The following PCDHGB6 variants were observed in gnomAD, a reference collection of about 807,000 sequenced individuals.
The protein encoded by PCDHGB6 is protocadherin gamma-B6.
Under a neutral mutation model 59.1 loss-of-function variants are expected in PCDHGB6, and 51 were observed. The ratio of observed to expected loss-of-function variants is 0.86; its 90% CI spans 0.69 to 1.09. The LOEUF is 1.09. Ranked by LOEUF, PCDHGB6 falls within the 50% of genes least tolerant of loss-of-function variation. The probability of loss-of-function intolerance (pLI) is 0.00; values close to 1 mark genes in which losing one functional copy is unlikely to be tolerated. For synonymous variants in PCDHGB6, 466 were observed against 495.1 expected, an observed-to-expected ratio of 0.94 and a Z score of 0.78; for missense variants, 1,148 against 1,205.1, an observed-to-expected ratio of 0.95 and a Z score of 0.70.
Position 141,487,070 on chromosome 5 carries a change from C to A in PCDHGB6, c.2419-7737C>A, listed in dbSNP as rs1365482479. The A allele has an allele frequency of 6.2e-7, 1 of 1,614,036 alleles. No individual in the cohort carries two copies. The highest frequency in any genetic ancestry group is 8.5e-7 in the Non-Finnish European group (1 of 1,180,016). ...TGCTGGGGAGGTGCGGACGGCTGTT[C>A]CTATCCCAGCTGACCTCCCACCACA... is the stretch of plus-strand genomic sequence containing the variant. On this transcript the variant is annotated intron_variant, in intron 1 of 3. Coordinates refer to ENST00000520790, the MANE Select transcript of PCDHGB6 (RefSeq NM_018926.3). The surrounding 1 kb of genome is among the most constrained non-coding windows in gnomAD (Gnocchi z 5.0).
chr5:141,474,608 T>C (rs1469173973), intron 1 of PCDHGB6, among the ~76,000 whole-genome samples: 1 of 152,268 alleles, frequency 6.6e-6, no homozygotes, highest in Non-Finnish European at 1.5e-5. Flanking sequence ...AGGTCACATA[T>C]GGCTTTTCAT....
At position 141,512,045 on chromosome 5, in the gene PCDHGB6, C is replaced by T. The variant is rs568357347; in HGVS notation, c.*872C>T. On this transcript the variant is annotated 3_prime_UTR_variant, in exon 4 of 4. Transcript: ENST00000520790. ...GGCCTTGGAGGAGGCTCTGTATGTC[C>T]TCAGGGGACTGACAACATCCTCCAG... The T allele has an allele frequency of 1.5e-3, 224 of 152,846 alleles. 2 individuals are homozygous for T. The highest frequency in any genetic ancestry group is 4.6e-4 in the Non-Finnish European group (31 of 68,130). The allele number at this position is 152,846 out of a possible 1,614,324, so 9.5% of individuals were successfully genotyped here. A position where few individuals can be genotyped will look rare whatever the true frequency, so the allele number is the denominator to read the frequency against.
chr5:141,421,665 C>T, intron 1 of PCDHGB6: 1 of 1,613,854 alleles, frequency 6.2e-7, no homozygotes, highest in African/African-American at 1.3e-5. Context: ...TCAGTGAGCA[C>T]GCAATTCCTG....
At chr5:141,464,413 A>G (rs2099083422) in intron 1 of PCDHGB6, among the ~76,000 whole-genome samples, 1 of 151,632 alleles carries the variant, frequency 6.6e-6, no homozygotes, top group African/African-American at 2.4e-5. Context: ...ATATATATAT[A>G]TCTATATATA....
intron 1 of PCDHGB6, chr5:141,423,965 T>C (rs911812056): frequency 8.1e-5 from 94 of 1,162,030 alleles, no homozygotes; most frequent in Admixed American, 1.3e-4. Context: ...TATTTTTCTA[T>C]TATCAGTGTA....
rs1233637152 is a variant in PCDHGB6 at position 141,432,543 on chromosome 5, A to G, written c.2418+21923A>G. ...CTGGTGACCAAGGTGGTGGCGGTGGACAGAGACTCCGGCCAGAACGCCTGG... is the reference window on the plus strand; with the variant it reads ...CTGGTGACCAAGGTGGTGGCGGTGGGCAGAGACTCCGGCCAGAACGCCTGG... On this transcript the variant is annotated intron_variant, in intron 1 of 3. Transcript: ENST00000520790. This position sits in a 1 kb window ranked among gnomAD's most constrained non-coding sequence, Gnocchi z 6.0. 3 of 1,613,678 alleles carry G rather than the reference A, an allele frequency of 1.9e-6. No individual in the cohort carries two copies. In the African/African-American group the frequency reaches 4.0e-5, roughly 22 times the overall value.
chr5:141,447,329 G>A (rs1328071539), intron 1 of PCDHGB6, among the ~76,000 whole-genome samples: 6 of 151,732 alleles, frequency 4.0e-5, no homozygotes, highest in Admixed American at 1.3e-4. Context: ...TAGTAGAGAC[G>A]GGTTTCATCA....
intron 2 of PCDHGB6, among the ~76,000 whole-genome samples, chr5:141,501,956 A>G (rs527567012): frequency 6.6e-6 from 1 of 152,136 alleles, no homozygotes; most frequent in Non-Finnish European, 1.5e-5. Context: ...GTGACAGGTC[A>G]TCCTCCTAAC....
At chr5:141,509,599 A>G (rs964564148) in intron 3 of PCDHGB6, among the ~76,000 whole-genome samples, 6 of 152,158 alleles carry the variant, frequency 3.9e-5, no homozygotes, top group African/African-American at 1.4e-4. Context: ...CAATTCCGAG[A>G]GGCTGCATTC....
rs1036223789 is a variant in PCDHGB6, at chr5:141,511,298, G to C, written c.*125G>C. 49 of 1,502,412 alleles carry C rather than the reference G, an allele frequency of 3.3e-5. No homozygotes were observed. The African/African-American group carries it at 6.7e-4, about 20-fold the overall frequency. 93.1% of individuals were successfully genotyped at this position (1,502,412 alleles called of 1,614,324 possible). A position where few individuals can be genotyped will look rare whatever the true frequency, so the allele number is the denominator to read the frequency against. The stretch of plus-strand genomic sequence containing the variant: ...GAATACTGGTAGGGGCCAAGGCCAT[G>C]CTCCCCTTGGGAAACAGAAACAAGT... On this transcript the variant is annotated 3_prime_UTR_variant, in exon 4 of 4. Coordinates refer to ENST00000520790, the MANE Select transcript of PCDHGB6 (RefSeq NM_018926.3).
At chr5:141,462,893 G>A (rs577241413) in intron 1 of PCDHGB6, among the ~76,000 whole-genome samples, 68 of 152,170 alleles carry the variant, frequency 4.5e-4, no homozygotes, top group African/African-American at 1.4e-3. Context: ...AGTTTGTTTT[G>A]GAAGGCTATT....
At chr5:141,419,667 G>T in intron 1 of PCDHGB6, 1 of 1,612,894 alleles carries the variant, frequency 6.2e-7, no homozygotes, top group South Asian at 1.1e-5. Flanking sequence ...CACAATGCCT[G>T]GCTGTCCTAC....
Position 141,415,348 on chromosome 5 carries a change from A to G in PCDHGB6, c.2418+4728A>G, listed in dbSNP as rs561851810. ...GGCGCACAGGCTGCGGCGCTGGCAC[A>G]AGTCACGCCTGCTGCAGGCTTCAGG... On this transcript the variant is annotated intron_variant, in intron 1 of 3. Transcript: ENST00000520790. The G allele has an allele frequency of 3.1e-6, 5 of 1,614,222 alleles. 1 individual carries two copies. The highest frequency in any genetic ancestry group is 1.6e-4 in the Middle Eastern group (1 of 6,062).
intron 1 of PCDHGB6, among the ~76,000 whole-genome samples, chr5:141,473,871 T>A (rs2099330260): frequency 1.3e-5 from 2 of 152,190 alleles, no homozygotes; most frequent in Admixed American, 6.5e-5. Context: ...TTGTGGAGAA[T>A]GCATACACAA....
intron 1 of PCDHGB6, chr5:141,411,997 T>A (rs1321898808): frequency 6.6e-6 from 1 of 152,030 alleles, no homozygotes; most frequent in Non-Finnish European, 1.5e-5. Context: ...GAAGGCATAG[T>A]GACATAAACA....
At chr5:141,421,283 T>G (rs2096560959) in intron 1 of PCDHGB6, 4 of 1,612,952 alleles carry the variant, frequency 2.5e-6, no homozygotes, top group Non-Finnish European at 3.4e-6. Flanking sequence ...CTGCTGTGCA[T>G]TTTCCTGGGG....
chr5:141,431,960 T>C lies in PCDHGB6; in HGVS notation c.2418+21340T>C. On this transcript the variant is annotated intron_variant, in intron 1 of 3. Transcript: ENST00000520790. This position sits in a 1 kb window ranked among gnomAD's most constrained non-coding sequence, Gnocchi z 4.8. ...TAAATTAGAAAAATCTTACGGAAAT[T>C]ACTATAGTTTAGTCACAGACATAGT... The C allele has an allele frequency of 3.7e-6, 6 of 1,614,166 alleles. No individual in the cohort carries two copies. Among genetic ancestry groups the C allele is most frequent in the Non-Finnish European group, 5.1e-6 (6 of 1,180,034 alleles).
Position 141,487,252 on chromosome 5 carries a change from G to T in PCDHGB6, c.2419-7555G>T. ...GAGAATCTCGTCTAACCCTCTACTT[G>T]GCTGTGTCCCTAGTGGCAATTTGCT... On this transcript the variant is annotated intron_variant, in intron 1 of 3. Transcript: ENST00000520790. The surrounding 1 kb of genome is among the most constrained non-coding windows in gnomAD (Gnocchi z 5.0). 1 of 1,614,110 alleles carries T rather than the reference G, an allele frequency of 6.2e-7. No homozygotes were observed. The highest frequency in any genetic ancestry group is 8.5e-7 in the Non-Finnish European group (1 of 1,180,014).
At chr5:141,500,167 A>C (rs976308963) in intron 2 of PCDHGB6, among the ~76,000 whole-genome samples, 1 of 150,656 alleles carries the variant, frequency 6.6e-6, no homozygotes, top group African/African-American at 2.4e-5. Context: ...AAGAACATGC[A>C]TGAGCTTCAT....
Sources: gnomAD v4.1 joint callset for allele counts (sites outside exome capture counted in the v4.1 genomes callset) on GRCh38, gnomAD v4.1.1 for gene constraint, Gnocchi (gnomAD v3.1) non-coding constraint, MANE v1.5 for transcripts, NCBI Gene and HGNC (gene_info 2026-07-23, HGNC 2026-07-21) for gene names.